ST18: variants seen among roughly 807,000 people sequenced by gnomAD.
ST18 encodes the protein suppression of tumorigenicity 18 protein.
Under a neutral mutation model 110.0 loss-of-function variants are expected in ST18, and 50 were observed. That is an observed-to-expected ratio of 0.45 (90% confidence interval 0.36 to 0.58). ST18 has a LOEUF of 0.58. ST18 is among the 20% of genes least tolerant of loss of function. The pLI, the probability that ST18 is intolerant of heterozygous loss-of-function variation, is 0.00. For synonymous variants in ST18, 461 were observed against 452.4 expected (o/e 1.02, Z -0.24); for missense variants, 1,306 against 1,280.1 (o/e 1.02, Z -0.31).
At chr8:52,139,268 G>A (rs190753832) in intron 17 of ST18, among the ~76,000 whole-genome samples, 1 of 151,928 alleles carries the variant, frequency 6.6e-6, no homozygotes, top group Non-Finnish European at 1.5e-5. Context: ...TCAATTGCCT[G>A]GGAATTCCCA....
intron 2 of ST18, among the ~76,000 whole-genome samples, chr8:52,302,556 T>C (rs1273142341): frequency 1.3e-5 from 2 of 152,132 alleles, no homozygotes; most frequent in African/African-American, 4.8e-5. Flanking sequence ...TGTTCTCCAC[T>C]AGCAGGGAAC....
intron 2 of ST18, among the ~76,000 whole-genome samples, chr8:52,268,760 T>G: frequency 6.6e-6 from 1 of 152,150 alleles, no homozygotes; most frequent in Admixed American, 6.5e-5. Context: ...CCCTGAATCC[T>G]TGGGGCTGGA....
In ST18 at chr8:52,228,536, TA is replaced by T. The variant is rs1043100026; in HGVS notation, c.-419+1495del. Among the ~76,000 whole-genome samples, 9 of 152,272 alleles carry T rather than the reference TA, an allele frequency of 5.9e-5. No individual in the cohort carries two copies. In the South Asian group the frequency reaches 6.2e-4, roughly 11 times the overall value. ...ACCATAAGTAAAGACAAAACCAATTTATTTTTTTAATCAAAATGGTGAGGCG... is the reference window on the plus strand; with the variant it reads ...ACCATAAGTAAAGACAAAACCAATTTTTTTTTTAATCAAAATGGTGAGGCG... On this transcript the variant is annotated intron_variant, in intron 3 of 25. Transcript: ENST00000689386.
At chr8:52,364,331 G>A (rs1826957170) in intron 2 of ST18, among the ~76,000 whole-genome samples, 2 of 152,148 alleles carry the variant, frequency 1.3e-5, no homozygotes, top group Admixed American at 6.6e-5. Flanking sequence ...ACCAGCTCTG[G>A]AAGGAAAAGG....
At chr8:52,325,502 T>C (rs1805902331) in intron 2 of ST18, among the ~76,000 whole-genome samples, 2 of 152,216 alleles carry the variant, frequency 1.3e-5, no homozygotes, top group South Asian at 4.1e-4. Flanking sequence ...ATATTCCCTA[T>C]AATCATTATG....
At chr8:52,169,232 G>A (rs1229732777) in intron 10 of ST18, among the ~76,000 whole-genome samples, 4 of 152,148 alleles carry the variant, frequency 2.6e-5, no homozygotes, top group Non-Finnish European at 4.4e-5. Flanking sequence ...AGCCTGGGGC[G>A]ACTCTCAGGC....
At chr8:52,246,912 A>G (rs896927710) in intron 2 of ST18, among the ~76,000 whole-genome samples, 1 of 152,206 alleles carries the variant, frequency 6.6e-6, no homozygotes, top group Admixed American at 6.5e-5. Flanking sequence ...GGCGCAGAAA[A>G]GTTAGAGAAC....
chr8:52,169,622 G>A (rs909524857), intron 10 of ST18, among the ~76,000 whole-genome samples: 1 of 152,064 alleles, frequency 6.6e-6, no homozygotes, highest in Admixed American at 6.5e-5. Flanking sequence ...TGTCAGTTGG[G>A]ATAAGCATTG....
intron 2 of ST18, among the ~76,000 whole-genome samples, chr8:52,348,199 T>C (rs1360219964): frequency 6.6e-6 from 1 of 152,202 alleles, no homozygotes; most frequent in Non-Finnish European, 1.5e-5. Context: ...ATATTTTATA[T>C]CTGATCCTTT....
At chr8:52,244,256 C>T (rs781412848) in intron 2 of ST18, among the ~76,000 whole-genome samples, 1 of 152,086 alleles carries the variant, frequency 6.6e-6, no homozygotes, top group African/African-American at 2.4e-5. Flanking sequence ...TATCGAAACC[C>T]GCACGCTGTT....
chr8:52,157,178 G>A (rs1050479700), intron 15 of ST18, among the ~76,000 whole-genome samples: 4 of 152,078 alleles, frequency 2.6e-5, no homozygotes, highest in Admixed American at 2.6e-4. Context: ...TTTTAAAATA[G>A]AACACATATT....
chr8:52,188,989 G>A (rs1257329075), intron 8 of ST18, among the ~76,000 whole-genome samples: 1 of 152,184 alleles, frequency 6.6e-6, no homozygotes, highest in Non-Finnish European at 1.5e-5. Flanking sequence ...TGCATATGGT[G>A]ACAGAATCTG....
At chr8:52,255,907 C>T (rs1451681202) in intron 2 of ST18, among the ~76,000 whole-genome samples, 5 of 152,196 alleles carry the variant, frequency 3.3e-5, no homozygotes, top group Non-Finnish European at 5.9e-5. Context: ...TTCAAGGTCC[C>T]TTGGCCCATT....
intron 10 of ST18, among the ~76,000 whole-genome samples, chr8:52,170,526 A>G (rs186725737): frequency 2.6e-5 from 4 of 152,140 alleles, no homozygotes; most frequent in Admixed American, 2.6e-4. Flanking sequence ...TCTTAAGATC[A>G]ATAATATATA....
chr8:52,207,869 T>C (rs113232119), intron 8 of ST18, among the ~76,000 whole-genome samples: 3 of 152,260 alleles, frequency 2.0e-5, no homozygotes, highest in African/African-American at 7.2e-5. Flanking sequence ...CAAGAGACAA[T>C]TACCAATATT....
Position 52,136,634 on chromosome 8 carries a change from A to T in ST18, c.2256T>A (p.Asp752Glu). Residue 752 changes from aspartate (D) to glutamate (E), a missense_variant, in exon 19 of 26, where the codon GAT (aspartate) becomes GAA (glutamate). Transcript: ENST00000689386. ...CAGCCATGAGGGATTTTAGAGTCTTATCTGCTAAAGGACATCCAGAAACAC... is the reference window on the plus strand; with the variant it reads ...CAGCCATGAGGGATTTTAGAGTCTTTTCTGCTAAAGGACATCCAGAAACAC... ...HRSVSGCPLA[D>E]KTLKSLMAAN... The T allele has an allele frequency of 6.2e-7, 1 of 1,610,988 alleles. No homozygotes were observed. The highest frequency in any genetic ancestry group is 8.5e-7 in the Non-Finnish European group (1 of 1,178,842).
chr8:52,209,460 A>G (rs897317169), intron 8 of ST18, among the ~76,000 whole-genome samples: 1 of 152,186 alleles, frequency 6.6e-6, no homozygotes, highest in Non-Finnish European at 1.5e-5. Flanking sequence ...AGTGTCTGGC[A>G]CATAGGACCC....
At chr8:52,337,387 A>G (rs567764560) in intron 2 of ST18, among the ~76,000 whole-genome samples, 3 of 152,354 alleles carry the variant, frequency 2.0e-5, no homozygotes, top group South Asian at 2.1e-4. Flanking sequence ...ATGCCTGTCT[A>G]CTAGTGAGTG....
rs2062228889 is a variant in ST18, at chr8:52,164,186, G to A, written c.1296-96C>T. 4.0e-5 allele frequency: 41 copies of A among 1,012,538 alleles called. No homozygotes were observed. In the South Asian group the frequency reaches 4.3e-4, roughly 11 times the overall value. The allele number at this position is 1,012,538 out of a possible 1,614,324, so 62.7% of individuals were successfully genotyped here. A position where few individuals can be genotyped will look rare whatever the true frequency, so the allele number is the denominator to read the frequency against. ...ACAGCACACTTGGCACACACTAAAT[G>A]TTAAGTCATATTAATAGTTCACTTA... On this transcript the variant is annotated intron_variant, in intron 12 of 25. Transcript: ENST00000689386.
Sources: allele counts gnomAD v4.1 joint callset (sites outside exome capture counted in the v4.1 genomes callset), GRCh38; gene constraint gnomAD v4.1.1; transcripts MANE v1.5; gene names NCBI Gene and HGNC (gene_info 2026-07-23, HGNC 2026-07-21).